Variants in UHRF2 observed in about 807,000 individuals in gnomAD.
The protein encoded by UHRF2 is ubiquitin like with PHD and ring finger domains 2.
In UHRF2, 23 loss-of-function variants were observed where a neutral mutation model predicts 96.8. That is an observed-to-expected ratio of 0.24 (90% CI 0.17 to 0.34). The LOEUF is 0.34. Ranked by LOEUF, UHRF2 falls within the 10% of genes least tolerant of loss-of-function variation. UHRF2 has a pLI of 1.00. For missense variants in UHRF2, 685 were observed against 981.5 expected, an observed-to-expected ratio of 0.70 and a Z score of 4.04; for synonymous variants, 385 against 332.6, an observed-to-expected ratio of 1.16 and a Z score of -1.72.
intron 3 of UHRF2, among the ~76,000 whole-genome samples, chr9:6,436,771 T>C (rs1820872893): frequency 6.6e-6 from 1 of 152,202 alleles, no homozygotes. Flanking sequence ...TTGGCAACTT[T>C]TTTTGTCAGT....
chr9:6,423,964 A>G (rs1820086167), intron 2 of UHRF2, among the ~76,000 whole-genome samples: 1 of 151,116 alleles, frequency 6.6e-6, no homozygotes, highest in Admixed American at 6.6e-5. Flanking sequence ...AAATAAATAA[A>G]TAAAGGAACT....
chr9:6,488,394 A>ATATTGACAC (rs1824442791), intron 9 of UHRF2, among the ~76,000 whole-genome samples: 1 of 150,652 alleles, frequency 6.6e-6, no homozygotes, highest in Non-Finnish European at 1.5e-5. Context: ...CAGAACCAGG[A>ATATTGACAC]TATTGACACT....
chr9:6,454,525 C>T (rs1309372428), intron 3 of UHRF2, among the ~76,000 whole-genome samples: 2 of 152,164 alleles, frequency 1.3e-5, no homozygotes, highest in African/African-American at 4.8e-5. Context: ...ACTACGTGAA[C>T]ACAGAGTGGC....
rs374758504 is a variant in UHRF2, at chr9:6,481,781, C to G, written c.1284+15C>G. 5.2e-5 allele frequency: 83 copies of G among 1,599,852 alleles called. No homozygotes were observed. Among genetic ancestry groups the G allele is most frequent in the Non-Finnish European group, 6.6e-5 (78 of 1,176,426 alleles). On this transcript the variant is annotated intron_variant, in intron 7 of 15. Transcript: ENST00000276893. ...ACTGGGGCAGGGTAAAGAAGAAATT[C>G]CCCTTTTCTTCCTAATAGCAAGTTA... is the stretch of plus-strand genomic sequence containing the variant.
chr9:6,478,303 G>A (rs1336928896), intron 6 of UHRF2, among the ~76,000 whole-genome samples: 2 of 152,190 alleles, frequency 1.3e-5, no homozygotes, highest in Admixed American at 6.5e-5. Context: ...ACTTCAAGAC[G>A]ATACTAATCC....
At chr9:6,418,066 A>G (rs1391030178) in intron 1 of UHRF2, among the ~76,000 whole-genome samples, 1 of 152,174 alleles carries the variant, frequency 6.6e-6, no homozygotes, top group Non-Finnish European at 1.5e-5. Flanking sequence ...ACTTTCATTT[A>G]AAAATAGTCA....
chr9:6,427,725 T>C (rs1293054574), intron 2 of UHRF2, among the ~76,000 whole-genome samples: 1 of 152,132 alleles, frequency 6.6e-6, no homozygotes. Flanking sequence ...TATTGCTCAA[T>C]ATCATTATTT....
chr9:6,504,437 C>T (rs1180907127), intron 14 of UHRF2, 156 bp from the exon 15 acceptor site: 2 of 521,582 alleles, frequency 3.8e-6, no homozygotes, highest in Admixed American at 3.5e-5. Flanking sequence ...TATAATAAAT[C>T]AGGGTAATTG....
chr9:6,504,952 G>T (rs954692761), intron 15 of UHRF2, among the ~76,000 whole-genome samples: 1 of 152,056 alleles, frequency 6.6e-6, no homozygotes, highest in African/African-American at 2.4e-5. Flanking sequence ...AAGGTAAGAG[G>T]TCATTGCTCT....
chr9:6,448,574 GTA>G (rs1174828243), intron 3 of UHRF2, among the ~76,000 whole-genome samples: 1 of 152,184 alleles, frequency 6.6e-6, no homozygotes, highest in African/African-American at 2.4e-5. Context: ...GTTGTTATAA[GTA>G]TATGTGAACG....
intron 3 of UHRF2, among the ~76,000 whole-genome samples, chr9:6,442,248 GCCACC>G (rs1821212382): frequency 6.6e-6 from 1 of 152,176 alleles, no homozygotes; most frequent in African/African-American, 2.4e-5. Flanking sequence ...ACAGGTGTGA[GCCACC>G]ACCTCCAGTC....
chr9:6,492,347 C>T, intron 9 of UHRF2: 1 of 1,230,450 alleles, frequency 8.1e-7, no homozygotes, highest in Non-Finnish European at 1.1e-6. Context: ...TGTCCAGATA[C>T]CGGGTGGAAG....
chr9:6,452,533 G>C (rs1461587450), intron 3 of UHRF2, among the ~76,000 whole-genome samples: 2 of 152,180 alleles, frequency 1.3e-5, no homozygotes. Context: ...GGATTGAAAG[G>C]TGTGATCCTA....
At chr9:6,446,507 C>G (rs1424268464) in intron 3 of UHRF2, among the ~76,000 whole-genome samples, 1 of 151,946 alleles carries the variant, frequency 6.6e-6, no homozygotes, top group Non-Finnish European at 1.5e-5. Flanking sequence ...TCTCAAACTC[C>G]TGGGCTGAAG....
chr9:6,484,126 G>C (rs1165070935), intron 8 of UHRF2, among the ~76,000 whole-genome samples: 2 of 150,838 alleles, frequency 1.3e-5, no homozygotes, highest in Admixed American at 6.6e-5. Context: ...AGGCTGGAGT[G>C]CAGTAGCAAT....
At chr9:6,420,741 G>A (rs1317949245) in intron 1 of UHRF2, among the ~76,000 whole-genome samples, 171 bp from the exon 2 acceptor site, 2 of 151,550 alleles carry the variant, frequency 1.3e-5, no homozygotes, top group Admixed American at 6.6e-5. Flanking sequence ...AGAATGTATT[G>A]GGGTCCAGAG....
chr9:6,421,835 C>T (rs748344564), intron 2 of UHRF2, among the ~76,000 whole-genome samples: 11 of 151,792 alleles, frequency 7.2e-5, no homozygotes, highest in Non-Finnish European at 1.2e-4. Flanking sequence ...TTGCTACTTA[C>T]GTATATTTCT....
intron 3 of UHRF2, among the ~76,000 whole-genome samples, chr9:6,450,302 C>G (rs1328366609): frequency 1.6e-5 from 2 of 127,322 alleles, no homozygotes; most frequent in East Asian, 2.3e-4. Context: ...ATTTCTTCCC[C>G]TTCCCCCCCC....
intron 9 of UHRF2, among the ~76,000 whole-genome samples, chr9:6,489,397 C>T (rs575740879): frequency 6.6e-6 from 1 of 152,234 alleles, no homozygotes; most frequent in Admixed American, 6.5e-5. Flanking sequence ...TTTTTGTAAA[C>T]GTAAGTCTTT....
Sources: allele counts gnomAD v4.1 joint callset (sites outside exome capture counted in the v4.1 genomes callset), GRCh38; gene constraint gnomAD v4.1.1; transcripts MANE v1.5; gene names NCBI Gene and HGNC (gene_info 2026-07-23, HGNC 2026-07-21).